The following PTPRD variants were observed in gnomAD, a reference collection of about 807,000 sequenced individuals.
PTPRD encodes protein tyrosine phosphatase receptor type D.
Under a neutral mutation model 214.5 loss-of-function variants are expected in PTPRD, and 34 were observed. That is an observed-to-expected ratio of 0.16 (90% CI 0.12 to 0.21). PTPRD has a LOEUF of 0.21. PTPRD is among the 10% of genes least tolerant of loss of function. The pLI, the probability that PTPRD is intolerant of heterozygous loss-of-function variation, is 1.00. For synonymous variants in PTPRD, 1,128 were observed against 845.7 expected (o/e 1.33, Z -5.79); for missense variants, 2,545 against 2,398.7 (o/e 1.06, Z -1.27).
At chr9:9,103,824 T>C (rs543913576) in intron 10 of PTPRD, among the ~76,000 whole-genome samples, 3 of 151,818 alleles carry the variant, frequency 2.0e-5, no homozygotes, top group Non-Finnish European at 4.4e-5. Context: ...CTACAAAAAA[T>C]ACAAAAAATT....
At chr9:9,412,832 T>C (rs1318982323) in intron 8 of PTPRD, among the ~76,000 whole-genome samples, 5 of 152,132 alleles carry the variant, frequency 3.3e-5, no homozygotes, top group Admixed American at 6.5e-5. Context: ...TGAACCAATA[T>C]GTTAGCAATT....
intron 39 of PTPRD, among the ~76,000 whole-genome samples, chr9:8,354,004 GC>G (rs2076344387): frequency 7.0e-6 from 1 of 143,208 alleles, no homozygotes; most frequent in South Asian, 2.2e-4. Context: ...CTGTTGCCAG[GC>G]TGGAGTGCAG....
chr9:10,179,640 T>TTCCATACTCTA (rs2099270256), intron 3 of PTPRD, among the ~76,000 whole-genome samples: 1 of 152,066 alleles, frequency 6.6e-6, no homozygotes, highest in Non-Finnish European at 1.5e-5. Context: ...TTGCATGCAA[T>TTCCATACTCTA]GCAATTTTCA....
chr9:9,984,581 G>T lies in PTPRD; in HGVS notation c.-471-45971C>A, dbSNP rs183778855. ...ACACAGAGTGACTTTGGGCCCCGTG[G>T]CTACCTTCTGGAATACAAGTGATGT... On this transcript the variant is annotated intron_variant, in intron 4 of 45. Coordinates refer to ENST00000381196, the MANE Select transcript of PTPRD (RefSeq NM_002839.4). Among the ~76,000 whole-genome samples the T allele has an allele frequency of 7.0e-4, 107 of 152,298 alleles. 1 individual carries two copies. Among genetic ancestry groups the T allele is most frequent in the Middle Eastern group, 3.4e-3 (1 of 294 alleles).
chr9:8,959,654 T>G (rs897716219), intron 11 of PTPRD, among the ~76,000 whole-genome samples: 19 of 152,038 alleles, frequency 1.2e-4, no homozygotes, highest in African/African-American at 4.6e-4. Context: ...AAGTCTATAT[T>G]TAGATGCAGT....
At chr9:8,392,477 A>G (rs1435468055) in intron 36 of PTPRD, among the ~76,000 whole-genome samples, 1 of 152,104 alleles carries the variant, frequency 6.6e-6, no homozygotes, top group East Asian at 1.9e-4. Context: ...AGTGAGCCAT[A>G]ATTGCACCAC....
At chr9:8,700,614 C>T (rs923505397) in intron 12 of PTPRD, 1 of 152,080 alleles carries the variant, frequency 6.6e-6, no homozygotes, top group East Asian at 1.9e-4. Flanking sequence ...GCAATTGAAT[C>T]CAGAAGCACA....
chr9:9,351,344 T>C (rs1033547211), intron 9 of PTPRD, among the ~76,000 whole-genome samples: 11 of 152,032 alleles, frequency 7.2e-5, no homozygotes. Context: ...GCACTGGGAA[T>C]GCACTATAGA....
intron 3 of PTPRD, among the ~76,000 whole-genome samples, chr9:10,143,853 T>C (rs1402173394): frequency 1.3e-5 from 2 of 151,994 alleles, no homozygotes; most frequent in Admixed American, 1.3e-4. Flanking sequence ...AACTAATCGT[T>C]GAGTACACAT....
At position 10,156,136 on chromosome 9, in the gene PTPRD, T is replaced by C. The variant is rs1252357870; in HGVS notation, c.-544-122346A>G. ...TGTGTGTGTGTGTGCCTGTCTCCTT[T>C]GGTTCAGCTCTAATTTTGGTTATTT... On this transcript the variant is annotated intron_variant, in intron 3 of 45. Coordinates refer to ENST00000381196, the MANE Select transcript of PTPRD (RefSeq NM_002839.4). 2.0e-5 allele frequency among the ~76,000 whole-genome samples: 3 copies of C among 148,276 alleles called. No individual in the cohort carries two copies. The East Asian group carries it at 6.2e-4, about 31-fold the overall frequency.
chr9:8,437,137 G>C, intron 34 of PTPRD: 2 of 1,205,636 alleles, frequency 1.7e-6, no homozygotes, highest in East Asian at 5.2e-5. Context: ...GCCTAAAAGG[G>C]AAAGAGTAGT....
At chr9:8,378,044 T>A (rs1373787046) in intron 37 of PTPRD, among the ~76,000 whole-genome samples, 2 of 152,088 alleles carry the variant, frequency 1.3e-5, no homozygotes, top group African/African-American at 4.8e-5. Context: ...GATATTAAAT[T>A]CACAAGGTTT....
chr9:8,636,631 T>C, intron 13 of PTPRD, 68 bp downstream of exon 13: 1 of 1,560,754 alleles, frequency 6.4e-7, no homozygotes, highest in Non-Finnish European at 8.8e-7. Flanking sequence ...AGCAAGCAAG[T>C]AACGTAGAAA....
intron 5 of PTPRD, among the ~76,000 whole-genome samples, chr9:9,838,458 A>G (rs1292605601): frequency 2.0e-5 from 3 of 152,042 alleles, no homozygotes; most frequent in Non-Finnish European, 4.4e-5. Context: ...AATGATTGCC[A>G]TTCTAACTGG....
intron 2 of PTPRD, among the ~76,000 whole-genome samples, chr9:10,547,665 A>G (rs538265007): frequency 8.4e-4 from 127 of 152,038 alleles, no homozygotes; most frequent in African/African-American, 3.0e-3. Flanking sequence ...CATTCATCAC[A>G]TAACTGTAGA....
At chr9:9,720,987 G>A (rs771164484) in intron 7 of PTPRD, among the ~76,000 whole-genome samples, 15 of 152,074 alleles carry the variant, frequency 9.9e-5, no homozygotes, top group Non-Finnish European at 2.2e-4. Flanking sequence ...ATTTGAGGGT[G>A]TAGGGTGGGA....
At chr9:9,138,618 G>T (rs556818441) in intron 10 of PTPRD, among the ~76,000 whole-genome samples, 111 of 152,216 alleles carry the variant, frequency 7.3e-4, no homozygotes, top group African/African-American at 2.6e-3. Flanking sequence ...TGACATCTGT[G>T]TTTGTGTGGG....
chr9:8,849,089 G>T (rs896121313), intron 11 of PTPRD, among the ~76,000 whole-genome samples: 2 of 151,600 alleles, frequency 1.3e-5, no homozygotes, highest in Non-Finnish European at 2.9e-5. Flanking sequence ...CCTATCTCAG[G>T]GTCCTGAGCA....
intron 11 of PTPRD, among the ~76,000 whole-genome samples, chr9:8,928,887 T>C (rs1302590018): frequency 2.0e-5 from 3 of 152,214 alleles, no homozygotes; most frequent in African/African-American, 4.8e-5. Context: ...TTTGCAGTTC[T>C]GCCTGAAGAA....
Sources: gnomAD v4.1 joint callset for allele counts (sites outside exome capture counted in the v4.1 genomes callset) on GRCh38, gnomAD v4.1.1 for gene constraint, MANE v1.5 for transcripts, NCBI Gene and HGNC (gene_info 2026-07-23, HGNC 2026-07-21) for gene names.